The following MBD3 variants were observed in gnomAD, a reference collection of about 807,000 sequenced individuals.
MBD3 encodes methyl-CpG-binding domain protein 3.
Under a neutral mutation model 31.2 loss-of-function variants are expected in MBD3, and 13 were observed. That is an observed-to-expected ratio of 0.42 (90% CI 0.27 to 0.66). The LOEUF (loss-of-function observed/expected upper bound fraction) is 0.66, where lower values mean the gene tolerates loss of function less well. Ranked by LOEUF, MBD3 falls within the 30% of genes least tolerant of loss-of-function variation. The pLI is 0.26. For missense variants in MBD3, 440 were observed against 426.5 expected (o/e 1.03, Z -0.28); for synonymous variants, 223 against 187.4 (o/e 1.19, Z -1.55).
chr19:1,582,611 T>C lies in MBD3; in HGVS notation c.499+11A>G, dbSNP rs1426300079. 3 of 1,612,854 alleles carry C rather than the reference T, an allele frequency of 1.9e-6. No individual in the cohort carries two copies. The highest frequency in any genetic ancestry group is 2.2e-5 in the East Asian group (1 of 44,878). On this transcript the variant is annotated intron_variant, in intron 4 of 6. Coordinates refer to ENST00000434436, the MANE Select transcript of MBD3 (RefSeq NM_001281453.2). ...CATCCCCTTCCGCCTCCCCTCAGGG[T>C]GCCCGCTCACCCTGCAGGCCCTTGG...
At chr19:1,592,479 G>T in intron 1 of MBD3, 43 bp downstream of exon 1, 1 of 1,139,796 alleles carries the variant, frequency 8.8e-7, no homozygotes, top group South Asian at 1.4e-5. Context: ...AGGCCGCTGG[G>T]AGGAGCCCGT....
At chr19:1,586,527 T>G (rs1393761639) in intron 1 of MBD3, among the ~76,000 whole-genome samples, 1 of 152,190 alleles carries the variant, frequency 6.6e-6, no homozygotes, top group Non-Finnish European at 1.5e-5. Flanking sequence ...TCTTTCCTTT[T>G]GGAGATAGGG....
rs1024830637 is a variant in MBD3 at position 1,585,529 on chromosome 19, T to G, written c.111-315A>C. ...TAGCCCCAGCCTCCACATCGGATCC[T>G]TGCTCCAGACCCCCAACCCCGGTCC... On this transcript the variant is annotated intron_variant, in intron 1 of 6. Transcript: ENST00000434436. This position sits in a 1 kb window ranked among gnomAD's most constrained non-coding sequence, Gnocchi z 4.1. 7.6e-6 allele frequency: 3 copies of G among 394,450 alleles called. No individual in the cohort carries two copies. The highest frequency in any genetic ancestry group is 1.4e-5 in the Non-Finnish European group (3 of 209,684). The allele number at this position is 394,450 out of a possible 1,614,324, so 24.4% of individuals were successfully genotyped here. A position where few individuals can be genotyped will look rare whatever the true frequency, so the allele number is the denominator to read the frequency against.
chr19:1,581,825 T>C lies in MBD3; in HGVS notation c.500-556A>G, dbSNP rs1917362124. 6 of 171,654 alleles carry C rather than the reference T, an allele frequency of 3.5e-5. No homozygotes were observed. The South Asian group carries it at 7.9e-4, about 23-fold the overall frequency. The allele number at this position is 171,654 out of a possible 1,614,324, so 10.6% of individuals were successfully genotyped here. A position where few individuals can be genotyped will look rare whatever the true frequency, so the allele number is the denominator to read the frequency against. ...CCCTCTGTTGCCCAGGAGAGTGCAGTGGTGCGATCTCGGCTCACTGTAAGC... is the reference window on the plus strand; with the variant it reads ...CCCTCTGTTGCCCAGGAGAGTGCAGCGGTGCGATCTCGGCTCACTGTAAGC... On this transcript the variant is annotated intron_variant, in intron 4 of 6. Transcript: ENST00000434436.
In MBD3 at chr19:1,577,842, G is replaced by C. The variant is rs1917240853; in HGVS notation, c.*322C>G. On this transcript the variant is annotated 3_prime_UTR_variant, in exon 7 of 7. Coordinates refer to ENST00000434436, the MANE Select transcript of MBD3 (RefSeq NM_001281453.2). ...GGCTGCTCTCCAGTCTCAAGGAGCT[G>C]GGACAGCGGGCATGGGGAGGAGCTG... The C allele has an allele frequency of 5.7e-6, 1 of 175,032 alleles. No individual in the cohort carries two copies. The highest frequency in any genetic ancestry group is 5.5e-5 in the Admixed American group (1 of 18,250). 10.8% of individuals were successfully genotyped at this position (175,032 alleles called of 1,614,324 possible). A position where few individuals can be genotyped will look rare whatever the true frequency, so the allele number is the denominator to read the frequency against.
At position 1,581,727 on chromosome 19, in the gene MBD3, G is replaced by A. The variant is rs532383230; in HGVS notation, c.500-458C>T. The A allele has an allele frequency of 9.1e-4, 238 of 261,152 alleles. 1 individual carries two copies. Among genetic ancestry groups the A allele is most frequent in the African/African-American group, 4.6e-3 (203 of 44,162 alleles). The allele number at this position is 261,152 out of a possible 1,614,324, so 16.2% of individuals were successfully genotyped here. A position where few individuals can be genotyped will look rare whatever the true frequency, so the allele number is the denominator to read the frequency against. The stretch of plus-strand genomic sequence containing the variant: ...GCCACTGTACTTCAGCATGGGCCAC[G>A]GAGAGGCTGCCTTTTGTTTTTGAGA... On this transcript the variant is annotated intron_variant, in intron 4 of 6. Transcript: ENST00000434436.
In MBD3 at chr19:1,585,266, C is replaced by T. The variant is rs1467298345; in HGVS notation, c.111-52G>A. 3.3e-6 allele frequency: 5 copies of T among 1,531,870 alleles called. No homozygotes were observed. The highest frequency in any genetic ancestry group is 4.4e-6 in the Non-Finnish European group (5 of 1,144,336). 94.9% of individuals were successfully genotyped at this position (1,531,870 alleles called of 1,614,324 possible). A position where few individuals can be genotyped will look rare whatever the true frequency, so the allele number is the denominator to read the frequency against. On this transcript the variant is annotated intron_variant, in intron 1 of 6. Transcript: ENST00000434436. The surrounding 1 kb of genome is among the most constrained non-coding windows in gnomAD (Gnocchi z 4.1). The stretch of plus-strand genomic sequence containing the variant: ...CCCGGGCGGACCCCAGACCCCAAAC[C>T]CAGGCCTCGGCCGCAGACCCAAACC...
Position 1,578,097 on chromosome 19 carries a change from TGG to T in MBD3, c.*65_*66del, listed in dbSNP as rs1436706382. The T allele has an allele frequency of 2.3e-5, 14 of 618,284 alleles. No individual in the cohort carries two copies. Among genetic ancestry groups the T allele is most frequent in the Non-Finnish European group, 3.9e-5 (14 of 356,906 alleles). The allele number at this position is 618,284 out of a possible 1,614,324, so 38.3% of individuals were successfully genotyped here. A position where few individuals can be genotyped will look rare whatever the true frequency, so the allele number is the denominator to read the frequency against. On this transcript the variant is annotated 3_prime_UTR_variant, in exon 7 of 7. Coordinates refer to ENST00000434436, the MANE Select transcript of MBD3 (RefSeq NM_001281453.2). The surrounding 1 kb of genome is among the most constrained non-coding windows in gnomAD (Gnocchi z 6.1). ...GCTTCGCCGCCGAGCCTGGTTCACG[TGG>T]GGCCGAGGACCGCGTCTGCAGGCGG...
At position 1,581,318 on chromosome 19, in the gene MBD3, C is replaced by G. The variant is rs779528971; in HGVS notation, c.500-49G>C. Reference sequence around the variant, plus strand: ...CGCAAGTGGAGAGGTCACCACGGGGCAGCTGTGGCCCAGACAGGCCACGGA... The same window carrying G: ...CGCAAGTGGAGAGGTCACCACGGGGGAGCTGTGGCCCAGACAGGCCACGGA... On this transcript the variant is annotated intron_variant, in intron 4 of 6. Transcript: ENST00000434436. 1.0e-4 allele frequency: 163 copies of G among 1,574,192 alleles called. No homozygotes were observed. The Middle Eastern group carries it at 1.6e-3, about 16-fold the overall frequency.
At chr19:1,582,453 C>T (rs1308896298) in intron 4 of MBD3, among the ~76,000 whole-genome samples, 169 bp downstream of exon 4, 1 of 152,084 alleles carries the variant, frequency 6.6e-6, no homozygotes, top group Non-Finnish European at 1.5e-5. Flanking sequence ...CGCCCTTACC[C>T]ATCCCCAACC....
At chr19:1,584,258 C>G (rs1397868362) in intron 3 of MBD3, among the ~76,000 whole-genome samples, 1 of 152,128 alleles carries the variant, frequency 6.6e-6, no homozygotes. Flanking sequence ...TGCTCTGCCC[C>G]CAGGCTGGAG....
At chr19:1,583,062 G>T (rs566998543) in intron 3 of MBD3, among the ~76,000 whole-genome samples, 2 of 151,944 alleles carry the variant, frequency 1.3e-5, no homozygotes, top group East Asian at 1.9e-4. Flanking sequence ...AAAAAAGTCC[G>T]GTGTGGTGAC....
intron 3 of MBD3, among the ~76,000 whole-genome samples, chr19:1,583,717 A>G (rs1276103486): frequency 2.0e-5 from 3 of 152,192 alleles, no homozygotes; most frequent in Non-Finnish European, 4.4e-5. Flanking sequence ...AAAAAAATGA[A>G]TAAAACACAC....
intron 2 of MBD3, 161 bp downstream of exon 2, chr19:1,584,894 G>A (rs2060670856): frequency 6.0e-6 from 7 of 1,176,104 alleles, no homozygotes; most frequent in Non-Finnish European, 6.0e-6. Flanking sequence ...TGCGCCTTGC[G>A]CTCTGCACCC....
At chr19:1,580,339 G>A (rs1401599363) in intron 5 of MBD3, among the ~76,000 whole-genome samples, 2 of 152,136 alleles carry the variant, frequency 1.3e-5, no homozygotes, top group Non-Finnish European at 2.9e-5. Flanking sequence ...ACCCTGTGTG[G>A]GGGCACAGGG....
intron 5 of MBD3, among the ~76,000 whole-genome samples, chr19:1,579,480 C>T (rs938657593): frequency 1.3e-5 from 2 of 152,126 alleles, no homozygotes; most frequent in Non-Finnish European, 2.9e-5. Flanking sequence ...TTCTGCCCAC[C>T]TCCCTCTCCG....
rs1288199224 is a variant in MBD3, at chr19:1,592,724, CGCCGCCGCCACTT to C, written c.-106_-94del. On this transcript the variant is annotated 5_prime_UTR_variant, in exon 1 of 7. Coordinates refer to ENST00000434436, the MANE Select transcript of MBD3 (RefSeq NM_001281453.2). ...CCTCAGCTGCCTCCGCTGCCGCTGC[CGCCGCCGCCACTT>C]GCCGCGGCTGTTCCGGCCCGCGGGC... is the stretch of plus-strand genomic sequence containing the variant. The C allele has an allele frequency of 3.4e-6, 1 of 290,530 alleles. No individual in the cohort carries two copies. Among genetic ancestry groups the C allele is most frequent in the South Asian group, 1.2e-4 (1 of 8,434 alleles). The allele number at this position is 290,530 out of a possible 1,614,324, so 18.0% of individuals were successfully genotyped here.
At chr19:1,584,940 G>T in intron 2 of MBD3, 115 bp downstream of exon 2, 2 of 1,426,210 alleles carry the variant, frequency 1.4e-6, no homozygotes, top group East Asian at 2.5e-5. Context: ...CCCTCCGCCC[G>T]CTGTGACCTC....
chr19:1,574,907 G>A lies in MBD3; in HGVS notation c.*3257C>T, dbSNP rs1043470626. 2.1e-5 allele frequency: 6 copies of A among 289,530 alleles called. No homozygotes were observed. Among genetic ancestry groups the A allele is most frequent in the African/African-American group, 1.1e-4 (5 of 43,776 alleles). 17.9% of individuals were successfully genotyped at this position (289,530 alleles called of 1,614,324 possible). ...TCTGCCTGGGTCTGGGGGCTGCAGG[G>A]ACAGCAAGGCACGGGCCCTGGGTGT... is the stretch of plus-strand genomic sequence containing the variant. On this transcript the variant is annotated 3_prime_UTR_variant, in exon 7 of 7. Coordinates refer to ENST00000434436, the MANE Select transcript of MBD3 (RefSeq NM_001281453.2).
Sources: allele counts gnomAD v4.1 joint callset (sites outside exome capture counted in the v4.1 genomes callset), GRCh38; gene constraint gnomAD v4.1.1; non-coding constraint Gnocchi (gnomAD v3.1); transcripts MANE v1.5; gene names NCBI Gene and HGNC (gene_info 2026-07-23, HGNC 2026-07-21).